The following RNF213 variants were observed in gnomAD, a reference collection of about 807,000 sequenced individuals.
RNF213 encodes the protein E3 ubiquitin-protein ligase RNF213.
RNF213 carries 341 observed loss-of-function variants against 514.4 expected under a neutral mutation model. The observed-to-expected ratio is 0.66, with a 90% CI of 0.61 to 0.73. RNF213 has a LOEUF of 0.73. RNF213 is among the 30% of genes least tolerant of loss of function. The pLI, the probability that RNF213 is intolerant of heterozygous loss-of-function variation, is 0.00. For missense variants in RNF213, 5,767 were observed against 6,615.6 expected, an observed-to-expected ratio of 0.87 and a Z score of 4.45; for synonymous variants, 2,655 against 2,658.2, an observed-to-expected ratio of 1.00 and a Z score of 0.04.
chr17:80,295,642 G>A lies in RNF213; in HGVS notation c.1841G>A (p.Cys614Tyr). 1 of 1,614,122 alleles carries A rather than the reference G, an allele frequency of 6.2e-7. No individual in the cohort carries two copies. Among genetic ancestry groups the A allele is most frequent in the Non-Finnish European group, 8.5e-7 (1 of 1,180,000 alleles). ...GKSTDFLPVD[C>Y]PVRSKLKTGL... ...AGCACGGACTTTTTGCCTGTGGACTGCCCAGTGAGGAGTAAACTGAAAACA... is the reference window on the plus strand; with the variant it reads ...AGCACGGACTTTTTGCCTGTGGACTACCCAGTGAGGAGTAAACTGAAAACA... Residue 614 changes from cysteine to tyrosine, a missense_variant, in exon 10 of 68, where the codon TGC (cysteine) becomes TAC (tyrosine). Cys to Tyr is a radical substitution (Grantham distance 194). Around this residue, in one of 13 missense-constraint regions of RNF213, gnomAD observed 592 missense variants for 673.9 expected, o/e 0.88. Transcript: ENST00000582970.
In RNF213 at chr17:80,358,488, A is replaced by G; in HGVS notation, c.11054+9A>G. On this transcript the variant is annotated intron_variant, in intron 37 of 67. Transcript: ENST00000582970. ...GTGATGAATAATGAAAGGTGAGTGG[A>G]AGGCTTTCTTTCCCTGGGGAGAGAA... 1 of 1,611,198 alleles carries G rather than the reference A, an allele frequency of 6.2e-7. No homozygotes were observed. Among genetic ancestry groups the G allele is most frequent in the Non-Finnish European group, 8.5e-7 (1 of 1,177,506 alleles).
Position 80,288,595 on chromosome 17 carries a change from A to C in RNF213, c.811-38A>C. The C allele has an allele frequency of 6.2e-7, 1 of 1,613,884 alleles. No homozygotes were observed. Among genetic ancestry groups the C allele is most frequent in the Non-Finnish European group, 8.5e-7 (1 of 1,180,002 alleles). Reference sequence around the variant, plus strand: ...CATTGAGTCGGAGTCACCCTGGCCCATTTTGTCACCTTGGCTCTGGTGTTT... The same window carrying C: ...CATTGAGTCGGAGTCACCCTGGCCCCTTTTGTCACCTTGGCTCTGGTGTTT... On this transcript the variant is annotated intron_variant, in intron 4 of 67. Coordinates refer to ENST00000582970, the MANE Select transcript of RNF213 (RefSeq NM_001256071.3). The surrounding 1 kb of genome is among the most constrained non-coding windows in gnomAD (Gnocchi z 4.9).
In RNF213 at chr17:80,290,346, CGT is replaced by C. The variant is rs2044651301; in HGVS notation, c.1113-220_1113-219del. ...TCACGTGTGTGTGCGCACGTGTGTG[CGT>C]GTGCATGTATGTGTGCGTGTGTGAG... On this transcript the variant is annotated intron_variant, in intron 6 of 67. Transcript: ENST00000582970. 2.7e-5 allele frequency among the ~76,000 whole-genome samples: 4 copies of C among 148,844 alleles called. No individual in the cohort carries two copies. The South Asian group carries it at 6.5e-4, about 24-fold the overall frequency.
intron 50 of RNF213, chr17:80,374,808 T>C (rs1164531987): frequency 3.6e-6 from 2 of 557,452 alleles, no homozygotes; most frequent in South Asian, 1.9e-5. Context: ...TTGAGCTGGG[T>C]TGACAGATTT....
intron 26 of RNF213, 164 bp downstream of exon 26, chr17:80,340,520 C>T: frequency 1.6e-6 from 1 of 637,484 alleles, no homozygotes; most frequent in African/African-American, 1.8e-5. Flanking sequence ...AACCAGGCAC[C>T]CTGGTCACCT....
rs2078234003 is a variant in RNF213 at position 80,343,930 on chromosome 17, T to C, written c.6257T>C (p.Met2086Thr). The C allele has an allele frequency of 6.2e-7, 1 of 1,614,182 alleles. No homozygotes were observed. The highest frequency in any genetic ancestry group is 1.1e-5 in the South Asian group (1 of 91,086). The change falls in exon 28 of 68, where the codon ATG (methionine) becomes ACG (threonine). Residue 2086 changes from methionine to threonine, a missense_variant. Around this residue, in one of 13 missense-constraint regions of RNF213, gnomAD observed 1,377 missense variants for 1,635.2 expected, o/e 0.84. Coordinates refer to ENST00000582970, the MANE Select transcript of RNF213 (RefSeq NM_001256071.3). This position sits in a 1 kb window ranked among gnomAD's most constrained non-coding sequence, Gnocchi z 4.3. ...LQYLMDINGK[M>T]WLRNPCHLYI... ...TACTTAATGGATATAAATGGGAAAA[T>C]GTGGCTTCGGAACCCCTGCCATTTG...
chr17:80,293,267 G>T (rs1036525433), intron 8 of RNF213, among the ~76,000 whole-genome samples: 13 of 151,560 alleles, frequency 8.6e-5, no homozygotes, highest in Non-Finnish European at 1.6e-4. Flanking sequence ...TTGCTGTGTT[G>T]CCCAGTCTGG....
intron 22 of RNF213, among the ~76,000 whole-genome samples, chr17:80,335,723 C>G (rs2077969522): frequency 6.6e-6 from 1 of 152,118 alleles, no homozygotes; most frequent in Non-Finnish European, 1.5e-5. Context: ...CACCTGTAAT[C>G]TCAGCACTTT....
At chr17:80,290,396 CGTGTGCTTGTGTGTGTGCGTGTGT>C (rs760082524) in intron 6 of RNF213, among the ~76,000 whole-genome samples, 150 bp from the exon 7 acceptor site, 74 of 143,060 alleles carry the variant, frequency 5.2e-4, no homozygotes, top group Non-Finnish European at 8.6e-4. Context: ...TGTGCGTGTA[CGTGTGCTTGTGTGTGTGCGTGTGT>C]GCGAGTGTGC....
At chr17:80,300,810 C>G (rs1333928542) in intron 11 of RNF213, among the ~76,000 whole-genome samples, 2 of 152,106 alleles carry the variant, frequency 1.3e-5, no homozygotes, top group Non-Finnish European at 1.5e-5. Context: ...CCTTGGCCTC[C>G]CAAAGTGCTG....
chr17:80,386,936 G>T (rs1480217491), intron 63 of RNF213, 45 bp downstream of exon 63: 1 of 1,551,312 alleles, frequency 6.4e-7, no homozygotes, highest in African/African-American at 1.4e-5. Flanking sequence ...TGTGTCTGTT[G>T]TGAACAAGCA....
At chr17:80,273,468 C>T (rs1297174209) in intron 3 of RNF213, 64 bp downstream of exon 3, 2 of 1,596,822 alleles carry the variant, frequency 1.3e-6, no homozygotes, top group Non-Finnish European at 1.7e-6. Context: ...TCTCACTGCA[C>T]AGCTGCCCAG....
chr17:80,279,596 C>G (rs1040873897), intron 3 of RNF213, among the ~76,000 whole-genome samples: 1 of 152,024 alleles, frequency 6.6e-6, no homozygotes, highest in Admixed American at 6.6e-5. Flanking sequence ...TCCTGAGTAG[C>G]TGGGATTACA....
chr17:80,290,772 A>G (rs1271186295), intron 7 of RNF213, 44 bp downstream of exon 7: 1 of 1,610,754 alleles, frequency 6.2e-7, no homozygotes, highest in African/African-American at 1.3e-5. Flanking sequence ...CAGGGAAGGC[A>G]TAGGATGCCC....
chr17:80,263,844 T>C lies in RNF213; in HGVS notation c.97+66T>C. The C allele has an allele frequency of 7.2e-7, 1 of 1,382,584 alleles. No homozygotes were observed. The highest frequency in any genetic ancestry group is 1.2e-5 in the South Asian group (1 of 86,024). 85.6% of individuals were successfully genotyped at this position (1,382,584 alleles called of 1,614,324 possible). On this transcript the variant is annotated intron_variant, in intron 2 of 67. Coordinates refer to ENST00000582970, the MANE Select transcript of RNF213 (RefSeq NM_001256071.3). This position sits in a 1 kb window ranked among gnomAD's most constrained non-coding sequence, Gnocchi z 4.9. ...ACCCCTGGAGATGTCTCACCTCCCT[T>C]CCAGGAAATGGAAACCCTGGGCAGC...
chr17:80,380,346 TCA>T (rs1476196088), intron 55 of RNF213, among the ~76,000 whole-genome samples: 1 of 152,198 alleles, frequency 6.6e-6, no homozygotes, highest in African/African-American at 2.4e-5. Context: ...CCAGAAACTG[TCA>T]CAGTGTCCTC....
At chr17:80,352,678 T>G (rs897339541) in intron 32 of RNF213, 1 of 627,594 alleles carries the variant, frequency 1.6e-6, no homozygotes, top group East Asian at 2.7e-5. Context: ...GCCTTATCCA[T>G]GCGTCCTTCC....
rs2080654349 is a variant in RNF213 at position 80,396,105 on chromosome 17, G to C, written c.*2607G>C. The C allele has an allele frequency of 1.3e-5, 2 of 152,010 alleles. No individual in the cohort carries two copies. The highest frequency in any genetic ancestry group is 4.1e-4 in the South Asian group (2 of 4,828). 9.4% of individuals were successfully genotyped at this position (152,010 alleles called of 1,614,324 possible). A position where few individuals can be genotyped will look rare whatever the true frequency, so the allele number is the denominator to read the frequency against. ...AACTGATCATTATCTCCTTCTCTTTGAGACCTGACTGAAAAAATTAGGTGT... is the reference window on the plus strand; with the variant it reads ...AACTGATCATTATCTCCTTCTCTTTCAGACCTGACTGAAAAAATTAGGTGT... On this transcript the variant is annotated 3_prime_UTR_variant, in exon 68 of 68. Coordinates refer to ENST00000582970, the MANE Select transcript of RNF213 (RefSeq NM_001256071.3).
chr17:80,394,596 T>A lies in RNF213; in HGVS notation c.*1098T>A, dbSNP rs927367052. ...CTAGACAGCTCAGCACAGCTATTGA[T>A]ATGTTAGAGGCAGTATCCTTAATAT... On this transcript the variant is annotated 3_prime_UTR_variant, in exon 68 of 68. Coordinates refer to ENST00000582970, the MANE Select transcript of RNF213 (RefSeq NM_001256071.3). 2 of 152,242 alleles carry A rather than the reference T, an allele frequency of 1.3e-5. No individual in the cohort carries two copies. Among genetic ancestry groups the A allele is most frequent in the African/African-American group, 4.8e-5 (2 of 41,462 alleles). 9.4% of individuals were successfully genotyped at this position (152,242 alleles called of 1,614,324 possible).
Sources: gnomAD v4.1 joint callset for allele counts (sites outside exome capture counted in the v4.1 genomes callset) on GRCh38, gnomAD v4.1.1 for gene constraint, gnomAD v4.1.1 regional missense constraint, Gnocchi (gnomAD v3.1) non-coding constraint, MANE v1.5 for transcripts, NCBI Gene and HGNC (gene_info 2026-07-23, HGNC 2026-07-21) for gene names.